Variants in ITPR1 observed in about 807,000 individuals in gnomAD.
ITPR1 encodes the protein inositol 1,4,5-trisphosphate receptor type 1.
ITPR1 carries 96 observed loss-of-function variants against 318.4 expected under a neutral mutation model. That is an observed-to-expected ratio of 0.30 (90% confidence interval 0.26 to 0.36). The LOEUF is 0.36. Ranked by LOEUF, ITPR1 falls within the 10% of genes least tolerant of loss-of-function variation. The pLI, the probability that ITPR1 is intolerant of heterozygous loss-of-function variation, is 1.00. For missense variants in ITPR1, 2,440 were observed against 3,460.2 expected (o/e 0.71, Z 7.40); for synonymous variants, 1,312 against 1,289.9 (o/e 1.02, Z -0.37).
At chr3:4,495,329 T>A (rs536145407) in intron 2 of ITPR1, among the ~76,000 whole-genome samples, 1 of 152,288 alleles carries the variant, frequency 6.6e-6, no homozygotes, top group Non-Finnish European at 1.5e-5. Context: ...ATAACTTTTT[T>A]AACATTCTAA....
At chr3:4,573,914 C>T (rs1464785581) in intron 4 of ITPR1, among the ~76,000 whole-genome samples, 1 of 152,196 alleles carries the variant, frequency 6.6e-6, no homozygotes, top group African/African-American at 2.4e-5. Flanking sequence ...ACCATGAATA[C>T]AGGGATTCTA....
At chr3:4,620,697 T>C (rs201137271) in intron 4 of ITPR1, among the ~76,000 whole-genome samples, 1 of 130,350 alleles carries the variant, frequency 7.7e-6, no homozygotes, top group Non-Finnish European at 1.7e-5. Context: ...TTTTTTTTTT[T>C]TTTGGTGGTA....
At chr3:4,673,701 G>A (rs913433662) in intron 21 of ITPR1, among the ~76,000 whole-genome samples, 6 of 152,024 alleles carry the variant, frequency 3.9e-5, no homozygotes, top group Non-Finnish European at 8.8e-5. Context: ...TCCTTCCTCA[G>A]CCTCCCAAGT....
intron 44 of ITPR1, among the ~76,000 whole-genome samples, chr3:4,741,343 A>G (rs2043688020): frequency 6.6e-6 from 1 of 152,232 alleles, no homozygotes; most frequent in Admixed American, 6.5e-5. Context: ...TTTCAGAAGC[A>G]CTGGGAATTT....
rs76404133 is a variant in ITPR1, at chr3:4,598,802, G to A, written c.164-28961G>A. On this transcript the variant is annotated intron_variant, in intron 4 of 61. Coordinates refer to ENST00000649015, the MANE Select transcript of ITPR1 (RefSeq NM_001378452.1). ...AAAAATTTGGGCTCTAAATCAGAGT[G>A]TTTCAATTCAGGTGCAATTTTATGT... 6.3e-3 allele frequency among the ~76,000 whole-genome samples: 957 copies of A among 152,272 alleles called. 13 individuals carry two copies. Among genetic ancestry groups the A allele is most frequent in the African/African-American group, 0.022 (911 of 41,538 alleles).
intron 60 of ITPR1, among the ~76,000 whole-genome samples, chr3:4,829,895 C>G (rs139812399): frequency 9.1e-4 from 128 of 140,854 alleles, no homozygotes; most frequent in African/African-American, 3.2e-3. Context: ...TGTCTCTGAT[C>G]TTACTGTGTC....
At chr3:4,732,825 A>G (rs932605039) in intron 42 of ITPR1, among the ~76,000 whole-genome samples, 5 of 152,182 alleles carry the variant, frequency 3.3e-5, no homozygotes, top group Non-Finnish European at 5.9e-5. Context: ...TTGTCCTTCA[A>G]AATTACTGTT....
intron 44 of ITPR1, among the ~76,000 whole-genome samples, chr3:4,742,570 C>T (rs145752766): frequency 3.3e-5 from 5 of 152,202 alleles, no homozygotes; most frequent in African/African-American, 4.8e-5. Flanking sequence ...AAGCACCTCA[C>T]GTGGCATCTG....
rs944089202 is a variant in ITPR1, at chr3:4,641,214, T to C, written c.367-879T>C. 3.3e-5 allele frequency among the ~76,000 whole-genome samples: 5 copies of C among 152,212 alleles called. No individual in the cohort carries two copies. In the East Asian group the frequency reaches 9.6e-4, roughly 29 times the overall value. ...GAGTTGGGAAGCCTTGGCCAACTCT[T>C]TCTGGTCTAGACTGACTATCAGACA... On this transcript the variant is annotated intron_variant, in intron 6 of 61. Transcript: ENST00000649015.
At chr3:4,578,043 T>A (rs998074810) in intron 4 of ITPR1, among the ~76,000 whole-genome samples, 3 of 152,264 alleles carry the variant, frequency 2.0e-5, no homozygotes, top group Non-Finnish European at 4.4e-5. Context: ...GTGCATTCTA[T>A]ACTCATCTTG....
intron 2 of ITPR1, among the ~76,000 whole-genome samples, chr3:4,503,933 C>T (rs1309098425): frequency 1.3e-5 from 2 of 152,060 alleles, no homozygotes; most frequent in Non-Finnish European, 2.9e-5. Context: ...CTCGCCCCCT[C>T]CCAAAACCAA....
intron 42 of ITPR1, among the ~76,000 whole-genome samples, chr3:4,731,124 C>G (rs1448206915): frequency 6.6e-6 from 1 of 152,198 alleles, no homozygotes; most frequent in Admixed American, 6.5e-5. Context: ...ACAACCTTTT[C>G]TTTCTCTCAA....
At chr3:4,714,227 CT>C (rs2041599920) in intron 39 of ITPR1, among the ~76,000 whole-genome samples, 1 of 152,288 alleles carries the variant, frequency 6.6e-6, no homozygotes, top group African/African-American at 2.4e-5. Flanking sequence ...AAGAACTAAG[CT>C]TTCTCAAGCA....
At chr3:4,838,186 G>C (rs1365713213) in intron 61 of ITPR1, among the ~76,000 whole-genome samples, 1 of 151,980 alleles carries the variant, frequency 6.6e-6, no homozygotes, top group African/African-American at 2.4e-5. Flanking sequence ...GTATTAAGGT[G>C]CAAATAAAAA....
At chr3:4,726,625 A>C (rs9821474) in intron 41 of ITPR1, among the ~76,000 whole-genome samples, 12,025 of 152,288 alleles carry the variant, frequency 0.079, 605 homozygotes, top group Non-Finnish European at 0.12. Context: ...TATCCTAATC[A>C]GAGCTCCTCA....
At chr3:4,650,559 TTTC>T (rs2093570026) in intron 10 of ITPR1, among the ~76,000 whole-genome samples, 1 of 152,026 alleles carries the variant, frequency 6.6e-6, no homozygotes, top group South Asian at 2.1e-4. Context: ...TGTAAAGATT[TTTC>T]TTTTTTATTT....
In ITPR1 at chr3:4,530,357, T is replaced by C. The variant is rs537533526; in HGVS notation, c.163+9263T>C. ...GAATTGGTGTTCTTTTCTGATATGATTTTGACTGCTCCCAGTTCTAGCAGT... is the reference window on the plus strand; with the variant it reads ...GAATTGGTGTTCTTTTCTGATATGACTTTGACTGCTCCCAGTTCTAGCAGT... On this transcript the variant is annotated intron_variant, in intron 4 of 61. Transcript: ENST00000649015. Among the ~76,000 whole-genome samples, 14 of 152,340 alleles carry C rather than the reference T, an allele frequency of 9.2e-5. No individual in the cohort carries two copies. The South Asian group carries it at 2.9e-3, about 32-fold the overall frequency.
chr3:4,652,226 G>A lies in ITPR1; in HGVS notation c.951+8G>A, dbSNP rs767971666. 1.3e-6 allele frequency: 2 copies of A among 1,599,290 alleles called. No individual in the cohort carries two copies. Among genetic ancestry groups the A allele is most frequent in the Non-Finnish European group, 1.7e-6 (2 of 1,169,698 alleles). ...CATTACTTGGCAGCAGAGGTAAGTA[G>A]CAGCTCCTGTGGTTTTCTCTTTCAA... On this transcript the variant is annotated splice_region_variant and intron_variant, in intron 11 of 61. Coordinates refer to ENST00000649015, the MANE Select transcript of ITPR1 (RefSeq NM_001378452.1).
intron 24 of ITPR1, among the ~76,000 whole-genome samples, chr3:4,677,325 G>A (rs990859671): frequency 6.6e-5 from 10 of 152,320 alleles, no homozygotes; most frequent in African/African-American, 2.4e-4. Flanking sequence ...GCATGGGCAT[G>A]TATTAAGAAT....
Sources: gnomAD v4.1 joint callset for allele counts (sites outside exome capture counted in the v4.1 genomes callset) on GRCh38, gnomAD v4.1.1 for gene constraint, MANE v1.5 for transcripts, NCBI Gene and HGNC (gene_info 2026-07-23, HGNC 2026-07-21) for gene names.